Variants in CDH12 observed in about 807,000 individuals in gnomAD.
CDH12 encodes the protein cadherin-12.
A neutral mutation model predicts 74.1 loss-of-function variants in CDH12; 41 were observed. That is an observed-to-expected ratio of 0.55 (90% CI 0.43 to 0.72). The LOEUF (loss-of-function observed/expected upper bound fraction) is 0.72. Ranked by LOEUF, CDH12 falls within the 30% of genes least tolerant of loss-of-function variation. The pLI is 0.00. For synonymous variants in CDH12, 399 were observed against 355.0 expected, an observed-to-expected ratio of 1.12 and a Z score of -1.39; for missense variants, 945 against 977.2, an observed-to-expected ratio of 0.97 and a Z score of 0.44.
intron 8 of CDH12, among the ~76,000 whole-genome samples, chr5:21,836,349 G>T (rs1749533896): frequency 1.3e-5 from 2 of 151,396 alleles, no homozygotes; most frequent in African/African-American, 2.4e-5. Context: ...AAATGTTGTT[G>T]TATTTATGAG....
intron 1 of CDH12, among the ~76,000 whole-genome samples, chr5:22,668,575 G>C (rs1486699929): frequency 6.6e-6 from 1 of 152,230 alleles, no homozygotes; most frequent in East Asian, 1.9e-4. Flanking sequence ...GGCATCATGT[G>C]GTGAGGGTGG....
At chr5:22,712,988 G>A (rs1256425465) in intron 1 of CDH12, among the ~76,000 whole-genome samples, 2 of 151,956 alleles carry the variant, frequency 1.3e-5, no homozygotes, top group African/African-American at 4.8e-5. Flanking sequence ...TGAGCTCTAC[G>A]ATAGTGGCCA....
chr5:22,142,300 A>G, intron 4 of CDH12: 1 of 290,012 alleles, frequency 3.4e-6, no homozygotes, highest in South Asian at 3.9e-5. Context: ...AAGAAAGCCT[A>G]TATGAAGTAG....
At chr5:21,806,092 A>G (rs1247869006) in intron 9 of CDH12, among the ~76,000 whole-genome samples, 3 of 152,188 alleles carry the variant, frequency 2.0e-5, no homozygotes, top group South Asian at 2.1e-4. Context: ...GATATACTCA[A>G]TTGTTCTACA....
At position 22,763,208 on chromosome 5, in the gene CDH12, T is replaced by C. The variant is rs539706145; in HGVS notation, c.-523+89850A>G. ...AATAAAAGTCTGAGAACCACATCTCTAGATTTTACCTTTCTTTATCTACAA... is the reference window on the plus strand; with the variant it reads ...AATAAAAGTCTGAGAACCACATCTCCAGATTTTACCTTTCTTTATCTACAA... On this transcript the variant is annotated intron_variant, in intron 1 of 14. Coordinates refer to ENST00000382254, the MANE Select transcript of CDH12 (RefSeq NM_004061.5). Among the ~76,000 whole-genome samples, 5 of 152,098 alleles carry C rather than the reference T, an allele frequency of 3.3e-5. No homozygotes were observed. The South Asian group carries it at 8.3e-4, about 25-fold the overall frequency.
At position 22,027,208 on chromosome 5, in the gene CDH12, C is replaced by T. The variant is rs373921018; in HGVS notation, c.231+51238G>A. On this transcript the variant is annotated intron_variant, in intron 5 of 14. Transcript: ENST00000382254. Reference sequence around the variant, plus strand: ...AAGCTTTTTGATGTGCTGCTGGATTCGGTTTGCCAGTATTTTATTGAGGAT... The same window carrying T: ...AAGCTTTTTGATGTGCTGCTGGATTTGGTTTGCCAGTATTTTATTGAGGAT... 9.2e-5 allele frequency among the ~76,000 whole-genome samples: 14 copies of T among 152,066 alleles called. No individual in the cohort carries two copies. In the East Asian group the frequency reaches 1.6e-3, roughly 17 times the overall value.
At chr5:22,554,233 T>C (rs1015973116) in intron 1 of CDH12, among the ~76,000 whole-genome samples, 1 of 152,134 alleles carries the variant, frequency 6.6e-6, no homozygotes, top group African/African-American at 2.4e-5. Flanking sequence ...TAATGGTGAA[T>C]ACATGTTATT....
chr5:22,025,249 C>G (rs1012182393), intron 5 of CDH12, among the ~76,000 whole-genome samples: 3 of 152,038 alleles, frequency 2.0e-5, no homozygotes, highest in Non-Finnish European at 4.4e-5. Flanking sequence ...TTTTTGGACT[C>G]TTTATATTTA....
chr5:22,133,828 T>C (rs1364558836), intron 4 of CDH12, among the ~76,000 whole-genome samples: 1 of 152,112 alleles, frequency 6.6e-6, no homozygotes, highest in Non-Finnish European at 1.5e-5. Context: ...ATCATGTTAT[T>C]TTAATTCAGC....
At chr5:22,021,038 G>C (rs10045978) in intron 5 of CDH12, among the ~76,000 whole-genome samples, 53,600 of 151,956 alleles carry the variant, frequency 0.35, 12,347 homozygotes, top group African/African-American at 0.66. Context: ...TGCTTGGGAC[G>C]AGAAGTGTTT....
chr5:22,362,273 T>G (rs1259875964), intron 3 of CDH12, among the ~76,000 whole-genome samples: 6 of 152,020 alleles, frequency 3.9e-5, no homozygotes, highest in African/African-American at 7.3e-5. Flanking sequence ...GGGTGAAGGA[T>G]ATGAACAGAC....
intron 6 of CDH12, among the ~76,000 whole-genome samples, chr5:21,893,555 AC>A (rs1457548236): frequency 1.3e-5 from 2 of 152,324 alleles, no homozygotes; most frequent in East Asian, 3.9e-4. Flanking sequence ...TTAGTGTAGT[AC>A]CCCAAAATCA....
chr5:22,331,323 C>A (rs537679715), intron 3 of CDH12, among the ~76,000 whole-genome samples: 1 of 152,118 alleles, frequency 6.6e-6, no homozygotes, highest in Non-Finnish European at 1.5e-5. Flanking sequence ...GGTAGCCACA[C>A]GTGTGCTCGC....
At chr5:21,902,418 C>T (rs533129158) in intron 6 of CDH12, among the ~76,000 whole-genome samples, 1 of 151,884 alleles carries the variant, frequency 6.6e-6, no homozygotes, top group East Asian at 1.9e-4. Context: ...GGATTAAGTA[C>T]CATGCAGAGA....
At chr5:22,068,235 G>T (rs112247041) in intron 5 of CDH12, among the ~76,000 whole-genome samples, 30 of 152,216 alleles carry the variant, frequency 2.0e-4, no homozygotes, top group African/African-American at 7.0e-4. Context: ...CTGACATGAA[G>T]AAGAGACCCA....
intron 4 of CDH12, among the ~76,000 whole-genome samples, chr5:22,197,062 T>C (rs1423998300): frequency 6.6e-6 from 1 of 152,008 alleles, no homozygotes; most frequent in Admixed American, 6.6e-5. Flanking sequence ...AAAATAAGAG[T>C]TAAAAAATAG....
intron 1 of CDH12, among the ~76,000 whole-genome samples, chr5:22,625,373 T>G (rs1463797981): frequency 6.6e-6 from 1 of 152,074 alleles, no homozygotes; most frequent in Non-Finnish European, 1.5e-5. Context: ...GTTGAACATG[T>G]GAGGAGTGGC....
chr5:22,205,399 A>G (rs1751164620), intron 4 of CDH12, among the ~76,000 whole-genome samples: 1 of 152,230 alleles, frequency 6.6e-6, no homozygotes, highest in Non-Finnish European at 1.5e-5. Flanking sequence ...TAAGATTTTA[A>G]ACATTACAGA....
chr5:22,200,700 C>T (rs550104780), intron 4 of CDH12, among the ~76,000 whole-genome samples: 40 of 152,278 alleles, frequency 2.6e-4, no homozygotes, highest in African/African-American at 9.4e-4. Context: ...AAATTCTTTT[C>T]AGAATGTCAT....
Sources: allele counts gnomAD v4.1 joint callset (sites outside exome capture counted in the v4.1 genomes callset), GRCh38; gene constraint gnomAD v4.1.1; transcripts MANE v1.5; gene names NCBI Gene and HGNC (gene_info 2026-07-23, HGNC 2026-07-21).